The following XKR6 variants were observed in gnomAD, a reference collection of about 807,000 sequenced individuals.
The protein encoded by XKR6 is XK-related protein 6.
Under a neutral mutation model 56.7 loss-of-function variants are expected in XKR6, and 22 were observed. That is an observed-to-expected ratio of 0.39 (90% CI 0.28 to 0.55). The LOEUF (loss-of-function observed/expected upper bound fraction) is 0.55, where lower values mean the gene tolerates loss of function less well. Among genes scored for constraint, XKR6 ranks in the 20% least tolerant of loss-of-function variants. XKR6 has a pLI of 0.66. For synonymous variants in XKR6, 524 were observed against 387.8 expected (o/e 1.35, Z -4.13); for missense variants, 852 against 889.0 (o/e 0.96, Z 0.53).
intron 1 of XKR6, among the ~76,000 whole-genome samples, chr8:11,022,790 T>C (rs1320564027): frequency 6.6e-6 from 1 of 152,194 alleles, no homozygotes; most frequent in Non-Finnish European, 1.5e-5. Flanking sequence ...ACTATACCAT[T>C]CAGACTACAA....
At chr8:11,138,871 A>C (rs757035252) in intron 1 of XKR6, among the ~76,000 whole-genome samples, 3 of 152,098 alleles carry the variant, frequency 2.0e-5, no homozygotes, top group Non-Finnish European at 2.9e-5. Flanking sequence ...TTATGTTCCA[A>C]AGCCAGAATA....
chr8:11,045,251 T>C (rs530920037), intron 1 of XKR6, among the ~76,000 whole-genome samples: 57 of 151,932 alleles, frequency 3.8e-4, no homozygotes, highest in African/African-American at 1.4e-3. Context: ...CAGACCTGGC[T>C]AATTTTTGTA....
intron 1 of XKR6, among the ~76,000 whole-genome samples, chr8:11,145,578 A>T (rs34162231): frequency 0.41 from 63,010 of 152,062 alleles, 14,583 homozygotes; most frequent in African/African-American, 0.59. Flanking sequence ...AAATAAACTA[A>T]CAAAAATAGA....
chr8:10,929,033 G>A (rs11250092), intron 1 of XKR6, among the ~76,000 whole-genome samples: 80,935 of 152,008 alleles, frequency 0.53, 23,331 homozygotes, highest in African/African-American at 0.69. Flanking sequence ...GGAATGGCCA[G>A]TCTTGAGCAA....
intron 1 of XKR6, among the ~76,000 whole-genome samples, chr8:11,101,005 C>A (rs1247189808): frequency 6.6e-6 from 1 of 152,186 alleles, no homozygotes; most frequent in Non-Finnish European, 1.5e-5. Context: ...CCCTTACCCA[C>A]CCTGCAGTGG....
At chr8:10,927,949 A>G (rs1334415932) in intron 1 of XKR6, among the ~76,000 whole-genome samples, 1 of 152,160 alleles carries the variant, frequency 6.6e-6, no homozygotes, top group Non-Finnish European at 1.5e-5. Flanking sequence ...GTAGGGACTG[A>G]TCACAGCCCT....
At chr8:11,072,814 C>A (rs1329178733) in intron 1 of XKR6, among the ~76,000 whole-genome samples, 1 of 152,094 alleles carries the variant, frequency 6.6e-6, no homozygotes, top group Non-Finnish European at 1.5e-5. Flanking sequence ...ACTTTGGAGA[C>A]CAAGGCGGGT....
At chr8:11,122,313 A>T (rs1038249852) in intron 1 of XKR6, among the ~76,000 whole-genome samples, 6 of 152,266 alleles carry the variant, frequency 3.9e-5, no homozygotes, top group Admixed American at 1.3e-4. Context: ...TGTGCTACAA[A>T]ACTATTATTT....
At chr8:11,178,548 AT>A (rs900813592) in intron 1 of XKR6, among the ~76,000 whole-genome samples, 7 of 78,038 alleles carry the variant, frequency 9.0e-5, no homozygotes, top group African/African-American at 2.5e-4. Context: ...AGAGGTAAAA[AT>A]ATATATATAT....
chr8:10,946,163 A>G (rs1563304139), intron 1 of XKR6, among the ~76,000 whole-genome samples: 2 of 151,960 alleles, frequency 1.3e-5, no homozygotes, highest in Non-Finnish European at 2.9e-5. Context: ...GGTTTCTCAC[A>G]ATCTGCCGGG....
chr8:10,920,381 T>C (rs1414962430), intron 2 of XKR6, among the ~76,000 whole-genome samples: 1 of 152,078 alleles, frequency 6.6e-6, no homozygotes, highest in Admixed American at 6.6e-5. Context: ...TTATCCCCAT[T>C]TTAGAAATGA....
At chr8:11,048,723 G>C (rs898197724) in intron 1 of XKR6, among the ~76,000 whole-genome samples, 6 of 152,316 alleles carry the variant, frequency 3.9e-5, no homozygotes, top group African/African-American at 1.2e-4. Context: ...CTGGTCTGCA[G>C]GGTTTGTGCT....
At chr8:10,924,135 C>T (rs187351453) in intron 2 of XKR6, among the ~76,000 whole-genome samples, 10 of 152,346 alleles carry the variant, frequency 6.6e-5, no homozygotes, top group Non-Finnish European at 4.4e-5. Context: ...GGAACTTGAA[C>T]AGAGCTACTT....
chr8:11,068,611 C>T (rs940069862), intron 1 of XKR6, among the ~76,000 whole-genome samples: 1 of 152,204 alleles, frequency 6.6e-6, no homozygotes, highest in Non-Finnish European at 1.5e-5. Flanking sequence ...CTCGGCAGGT[C>T]CTGGTGCCCA....
In XKR6 at chr8:11,031,357, T is replaced by C. The variant is rs183688732; in HGVS notation, c.765-106527A>G. On this transcript the variant is annotated intron_variant, in intron 1 of 2. Coordinates refer to ENST00000416569, the MANE Select transcript of XKR6 (RefSeq NM_173683.4). Reference sequence around the variant, plus strand: ...TCCTGAGATCTCTCCTTGGGGCTTATGCCAGCCCAGTGGGTTCTCTTCAAC... The same window carrying C: ...TCCTGAGATCTCTCCTTGGGGCTTACGCCAGCCCAGTGGGTTCTCTTCAAC... Among the ~76,000 whole-genome samples, 339 of 152,346 alleles carry C rather than the reference T, an allele frequency of 2.2e-3. 1 individual carries two copies. The highest frequency in any genetic ancestry group is 4.0e-3 in the Non-Finnish European group (274 of 68,032).
intron 1 of XKR6, among the ~76,000 whole-genome samples, chr8:11,034,826 C>G (rs997674022): frequency 6.6e-6 from 1 of 152,146 alleles, no homozygotes. Context: ...GTGCTCTGTC[C>G]CCACCCAGCA....
intron 1 of XKR6, among the ~76,000 whole-genome samples, chr8:10,970,575 T>A (rs569239947): frequency 6.6e-6 from 1 of 152,140 alleles, no homozygotes; most frequent in Non-Finnish European, 1.5e-5. Flanking sequence ...GAGGAAGACA[T>A]TGAGATGTCT....
intron 1 of XKR6, among the ~76,000 whole-genome samples, chr8:11,113,475 A>C (rs755208091): frequency 6.6e-6 from 1 of 152,250 alleles, no homozygotes; most frequent in Non-Finnish European, 1.5e-5. Flanking sequence ...GCTTAAAGCT[A>C]ACTGATACAA....
intron 1 of XKR6, among the ~76,000 whole-genome samples, chr8:11,072,584 GGA>G (rs1208488427): frequency 2.0e-5 from 3 of 152,154 alleles, no homozygotes; most frequent in African/African-American, 4.8e-5. Flanking sequence ...CATGTTGAGT[GGA>G]GAGAGAAGGG....
Sources: gnomAD v4.1 joint callset for allele counts (sites outside exome capture counted in the v4.1 genomes callset) on GRCh38, gnomAD v4.1.1 for gene constraint, MANE v1.5 for transcripts, NCBI Gene and HGNC (gene_info 2026-07-23, HGNC 2026-07-21) for gene names.